PCDH11Y: variants seen among roughly 807,000 people sequenced by gnomAD.
PCDH11Y encodes the protein protocadherin-11 Y-linked.
For synonymous variants in PCDH11Y, 9 were observed against 83.6 expected, an observed-to-expected ratio of 0.11 and a Z score of 4.87; for missense variants, 12 against 224.8, an observed-to-expected ratio of 0.05 and a Z score of 6.05.
At chrY:5,111,172 C>A in intron 2 of PCDH11Y, among the ~76,000 whole-genome samples, 6 of 32,644 alleles carry the variant, frequency 1.8e-4, no homozygotes, top group Admixed American at 1.7e-3. Flanking sequence ...GGCCTGATCT[C>A]AGCTCACTGC....
intron 1 of PCDH11Y, among the ~76,000 whole-genome samples, chrY:5,028,189 T>C: frequency 3.0e-5 from 1 of 33,487 alleles, no homozygotes; most frequent in African/African-American, 1.2e-4. Context: ...TTCTTACCAT[T>C]GACAGGGGCT....
At chrY:5,613,765 C>CT (rs2053490417) in intron 4 of PCDH11Y, among the ~76,000 whole-genome samples, 7 of 32,317 alleles carry the variant, frequency 2.2e-4, no homozygotes, top group African/African-American at 7.3e-4. Context: ...ATTTGATTTT[C>CT]TTTTTTTTTA....
At chrY:5,353,766 G>A (rs1602909900) in intron 2 of PCDH11Y, among the ~76,000 whole-genome samples, 5 of 32,382 alleles carry the variant, frequency 1.5e-4, no homozygotes, top group African/African-American at 1.2e-4. Context: ...TTGGGAGGCC[G>A]AGGCAGGCGG....
At chrY:5,065,556 A>G (rs2052685028) in intron 1 of PCDH11Y, among the ~76,000 whole-genome samples, 1 of 32,944 alleles carries the variant, frequency 3.0e-5, no homozygotes, top group Non-Finnish European at 7.4e-5. Context: ...TTGATGCTTC[A>G]TACTCCTTAA....
intron 2 of PCDH11Y, among the ~76,000 whole-genome samples, chrY:5,326,589 G>T: frequency 3.1e-5 from 1 of 31,917 alleles, no homozygotes; most frequent in Non-Finnish European, 7.6e-5. Context: ...AGGAAATATG[G>T]GGAAATGGGG....
intron 4 of PCDH11Y, among the ~76,000 whole-genome samples, chrY:5,604,678 C>A: frequency 6.2e-5 from 2 of 32,247 alleles, no homozygotes; most frequent in African/African-American, 2.4e-4. Context: ...TACAGTCAGA[C>A]AAAAACATTA....
chrY:5,540,218 A>G, intron 3 of PCDH11Y, among the ~76,000 whole-genome samples: 1 of 33,009 alleles, frequency 3.0e-5, no homozygotes, highest in Non-Finnish European at 7.5e-5. Context: ...GTGTTAGTGA[A>G]GTGGGAGAAA....
chrY:5,116,677 T>A, intron 2 of PCDH11Y, among the ~76,000 whole-genome samples: 3 of 33,114 alleles, frequency 9.1e-5, no homozygotes, highest in African/African-American at 3.6e-4. Context: ...AAAAGTATGT[T>A]TTACTCTGAT....
At chrY:5,595,790 G>A in intron 4 of PCDH11Y, among the ~76,000 whole-genome samples, 1 of 33,104 alleles carries the variant, frequency 3.0e-5, no homozygotes, top group African/African-American at 1.2e-4. Context: ...AAGTCTAACT[G>A]TGAAGATGAT....
intron 2 of PCDH11Y, among the ~76,000 whole-genome samples, chrY:5,134,257 C>T (rs2052836611): frequency 3.0e-5 from 1 of 32,832 alleles, no homozygotes; most frequent in African/African-American, 1.2e-4. Context: ...TTGCTGGACT[C>T]CTTAGTTTTT....
At chrY:5,260,908 C>T (rs2053017240) in intron 2 of PCDH11Y, among the ~76,000 whole-genome samples, 1 of 31,747 alleles carries the variant, frequency 3.1e-5, no homozygotes, top group Non-Finnish European at 7.6e-5. Context: ...AATTGTAACT[C>T]CTACAATTGC....
chrY:5,697,507 A>G (rs2053573382), intron 4 of PCDH11Y, among the ~76,000 whole-genome samples: 1 of 32,942 alleles, frequency 3.0e-5, no homozygotes. Context: ...AATTTGTTTT[A>G]TGAATCTGGG....
chrY:5,065,036 A>G, intron 1 of PCDH11Y, among the ~76,000 whole-genome samples: 1 of 33,333 alleles, frequency 3.0e-5, no homozygotes, highest in East Asian at 7.9e-4. Context: ...ATGTTGTAAG[A>G]ACATTTTATC....
intron 2 of PCDH11Y, among the ~76,000 whole-genome samples, chrY:5,288,415 C>T (rs2053062965): frequency 6.1e-5 from 2 of 32,546 alleles, no homozygotes; most frequent in Admixed American, 5.8e-4. Context: ...CACCAAGGCT[C>T]AGCTCAGCAC....
chrY:5,192,309 G>A, intron 2 of PCDH11Y, among the ~76,000 whole-genome samples: 2 of 31,503 alleles, frequency 6.3e-5, no homozygotes, highest in African/African-American at 1.3e-4. Context: ...CCAACTGAGC[G>A]TTCAACCTTC....
intron 2 of PCDH11Y, among the ~76,000 whole-genome samples, chrY:5,159,734 G>T: frequency 3.3e-5 from 1 of 30,688 alleles, no homozygotes; most frequent in South Asian, 7.5e-4. Context: ...CAGCAAAATG[G>T]GGTCTTTTGG....
At chrY:5,414,711 C>T in intron 2 of PCDH11Y, among the ~76,000 whole-genome samples, 1 of 33,015 alleles carries the variant, frequency 3.0e-5, no homozygotes, top group Non-Finnish European at 7.4e-5. Flanking sequence ...TTCTTCAATC[C>T]TTTCCTTCAA....
chrY:5,386,865 G>T lies in PCDH11Y; in HGVS notation c.3130-114192G>T, dbSNP rs2124675425. ...TGAATTCTTTTTCAGGTATATCAGA[G>T]ATTTATTCTTGGTTTGTATTTATTG... is the stretch of plus-strand genomic sequence containing the variant. On this transcript the variant is annotated intron_variant, in intron 2 of 4. Coordinates refer to the PCDH11Y transcript ENST00000400457. Among the ~76,000 whole-genome samples the T allele has an allele frequency of 1.9e-4, 3 of 16,179 alleles. No homozygotes were observed. In the Admixed American group the frequency reaches 2.2e-3, roughly 12 times the overall value. The allele number at this position is 16,179 out of a possible 37,273, so 43.4% of individuals were successfully genotyped here. A position where few individuals can be genotyped will look rare whatever the true frequency, so the allele number is the denominator to read the frequency against.
chrY:5,310,653 GA>G (rs2053098478), intron 2 of PCDH11Y, among the ~76,000 whole-genome samples: 2 of 32,896 alleles, frequency 6.1e-5, no homozygotes, highest in Admixed American at 5.6e-4. Flanking sequence ...GTGGCTACCA[GA>G]AATTACTTAT....
Sources: gnomAD v4.1 joint callset for allele counts (sites outside exome capture counted in the v4.1 genomes callset) on GRCh38, gnomAD v4.1.1 for gene constraint, MANE v1.5 for transcripts, NCBI Gene and HGNC (gene_info 2026-07-23, HGNC 2026-07-21) for gene names.